The following EIPR1 variants were observed in gnomAD, a reference collection of about 807,000 sequenced individuals.
EIPR1 encodes EARP and GARP complex-interacting protein 1.
EIPR1 carries 25 observed loss-of-function variants against 48.1 expected under a neutral mutation model. The observed-to-expected ratio is 0.52, with a 90% CI of 0.38 to 0.73. EIPR1 has a LOEUF of 0.73. Among genes scored for constraint, EIPR1 ranks in the 30% least tolerant of loss-of-function variants. EIPR1 has a pLI of 0.00. For synonymous variants in EIPR1, 204 were observed against 201.9 expected (o/e 1.01, Z -0.09); for missense variants, 415 against 506.2 (o/e 0.82, Z 1.73).
intron 5 of EIPR1, 85 bp downstream of exon 5, chr2:3,214,064 T>G: frequency 7.8e-7 from 1 of 1,287,024 alleles, no homozygotes; most frequent in South Asian, 1.3e-5. Context: ...GTGATCTCAT[T>G]GTTCAATTCC....
At chr2:3,211,313 G>T (rs1665447868) in intron 5 of EIPR1, among the ~76,000 whole-genome samples, 1 of 151,960 alleles carries the variant, frequency 6.6e-6, no homozygotes, top group Non-Finnish European at 1.5e-5. Context: ...GTCTCTTCCA[G>T]TTTGGAGAAC....
At chr2:3,325,628 C>T (rs774382154) in intron 3 of EIPR1, among the ~76,000 whole-genome samples, 7 of 152,162 alleles carry the variant, frequency 4.6e-5, no homozygotes, top group Non-Finnish European at 8.8e-5. Context: ...AAAGCATATC[C>T]TACTGTGACA....
chr2:3,339,665 T>C lies in EIPR1; in HGVS notation c.127-1516A>G, dbSNP rs1670170791. On this transcript the variant is annotated intron_variant, in intron 2 of 8. Transcript: ENST00000382125. ...CCTGGTCATTTAAAAGTGAGTGGCATGGGCTGGGCGCGGTGGCTCACGCCT... is the reference window on the plus strand; with the variant it reads ...CCTGGTCATTTAAAAGTGAGTGGCACGGGCTGGGCGCGGTGGCTCACGCCT... Among the ~76,000 whole-genome samples, 2 of 152,188 alleles carry C rather than the reference T, an allele frequency of 1.3e-5. 1 individual carries two copies. The highest frequency in any genetic ancestry group is 4.1e-4 in the South Asian group (2 of 4,834).
chr2:3,249,090 G>C (rs942863264), intron 4 of EIPR1, among the ~76,000 whole-genome samples: 1 of 152,238 alleles, frequency 6.6e-6, no homozygotes, highest in Non-Finnish European at 1.5e-5. Context: ...ATGTGGAGCA[G>C]CTTTGAGACT....
At chr2:3,317,678 C>T (rs1403229724) in intron 3 of EIPR1, among the ~76,000 whole-genome samples, 1 of 152,224 alleles carries the variant, frequency 6.6e-6, no homozygotes, top group Non-Finnish European at 1.5e-5. Flanking sequence ...GCCCTAGACC[C>T]AGTGTGACTG....
At chr2:3,232,459 G>C (rs1255142513) in intron 4 of EIPR1, among the ~76,000 whole-genome samples, 1 of 151,846 alleles carries the variant, frequency 6.6e-6, no homozygotes, top group African/African-American at 2.4e-5. Context: ...TTCCTTCTTA[G>C]ACCTGCTTTT....
intron 5 of EIPR1, among the ~76,000 whole-genome samples, chr2:3,200,990 C>A (rs1665014688): frequency 6.6e-6 from 1 of 152,172 alleles, no homozygotes; most frequent in Non-Finnish European, 1.5e-5. Flanking sequence ...GGACGCTGGA[C>A]TCAAACTAGC....
At position 3,353,877 on chromosome 2, in the gene EIPR1, T is replaced by TAGACCATGTCC. The variant is rs1346552199; in HGVS notation, c.126+672_126+673insGGACATGGTCT. ...GATCAGATAAGCCGGACAGAAGCCC[T>TAGACCATGTCC]AGACCATGTCTGACATGGCCTCCCG... On this transcript the variant is annotated intron_variant, in intron 2 of 8. Transcript: ENST00000382125. Among the ~76,000 whole-genome samples the TAGACCATGTCC allele has an allele frequency of 5.3e-5, 8 of 152,300 alleles. No homozygotes were observed. The East Asian group carries it at 1.4e-3, about 26-fold the overall frequency.
intron 1 of EIPR1, among the ~76,000 whole-genome samples, chr2:3,370,697 A>C (rs931217572): frequency 1.3e-5 from 2 of 152,180 alleles, no homozygotes; most frequent in Non-Finnish European, 2.9e-5. Flanking sequence ...AAAAAAGAAT[A>C]AAAAGAAATG....
In EIPR1 at chr2:3,221,001, CA is replaced by C. The variant is rs1558232928; in HGVS notation, c.417-6754del. 1.2e-3 allele frequency among the ~76,000 whole-genome samples: 96 copies of C among 77,710 alleles called. 2 individuals carry two copies. Among genetic ancestry groups the C allele is most frequent in the African/African-American group, 3.4e-3 (61 of 18,072 alleles). The allele number at this position is 77,710 out of a possible 152,430, so 51.0% of individuals were successfully genotyped here. Reference sequence around the variant, plus strand: ...ACACTCTAGAACACTCACAGTGAGTCAGGAACACATGCACACAATGGCCGAC... The same window carrying C: ...ACACTCTAGAACACTCACAGTGAGTCGGAACACATGCACACAATGGCCGAC... On this transcript the variant is annotated intron_variant, in intron 4 of 8. Transcript: ENST00000382125.
intron 4 of EIPR1, among the ~76,000 whole-genome samples, chr2:3,226,920 C>T (rs1666083010): frequency 6.6e-6 from 1 of 152,242 alleles, no homozygotes; most frequent in Non-Finnish European, 1.5e-5. Flanking sequence ...CTTTGTTCCT[C>T]CTTCACCTTC....
At chr2:3,334,160 G>T (rs369903918) in intron 3 of EIPR1, among the ~76,000 whole-genome samples, 2 of 152,176 alleles carry the variant, frequency 1.3e-5, no homozygotes, top group Admixed American at 6.5e-5. Context: ...AGGAAACGCC[G>T]CAAGATGCCT....
chr2:3,302,621 C>T (rs1031021166), intron 3 of EIPR1, among the ~76,000 whole-genome samples: 3 of 152,252 alleles, frequency 2.0e-5, no homozygotes, highest in East Asian at 1.9e-4. Flanking sequence ...GACGTGACGT[C>T]GCGGAACCAG....
chr2:3,278,209 G>T lies in EIPR1; in HGVS notation c.260-20754C>A, dbSNP rs183205346. 2.9e-3 allele frequency among the ~76,000 whole-genome samples: 435 copies of T among 152,280 alleles called. 1 individual carries two copies. Among genetic ancestry groups the T allele is most frequent in the African/African-American group, 0.01 (418 of 41,556 alleles). On this transcript the variant is annotated intron_variant, in intron 3 of 8. Coordinates refer to ENST00000382125, the MANE Select transcript of EIPR1 (RefSeq NM_003310.5). ...GTCTGAGATGGAAACGAGAGGAGGG[G>T]GAGACGCAGGTGGATGGCAAAGGCC...
chr2:3,299,729 C>T (rs1234241902), intron 3 of EIPR1, among the ~76,000 whole-genome samples: 2 of 151,904 alleles, frequency 1.3e-5, no homozygotes, highest in Non-Finnish European at 1.5e-5. Flanking sequence ...GGAAGACAGA[C>T]AACCTGGCAG....
chr2:3,247,084 GGAGA>G (rs1666857020), intron 4 of EIPR1, among the ~76,000 whole-genome samples: 1 of 107,620 alleles, frequency 9.3e-6, no homozygotes, highest in Admixed American at 9.0e-5. Context: ...AGAGAGGGAG[GGAGA>G]GAGGGAGGGA....
chr2:3,354,438 T>G, intron 2 of EIPR1, 112 bp downstream of exon 2: 1 of 886,276 alleles, frequency 1.1e-6, no homozygotes. Flanking sequence ...AGTTTTATTT[T>G]GTTTATGTGG....
intron 3 of EIPR1, among the ~76,000 whole-genome samples, chr2:3,281,906 C>T (rs1398947365): frequency 2.6e-5 from 4 of 152,128 alleles, no homozygotes; most frequent in East Asian, 1.9e-4. Flanking sequence ...AAAGTTTCTG[C>T]GGGATGATAG....
At chr2:3,308,486 C>T (rs1263246491) in intron 3 of EIPR1, among the ~76,000 whole-genome samples, 3 of 151,902 alleles carry the variant, frequency 2.0e-5, no homozygotes, top group Non-Finnish European at 4.4e-5. Flanking sequence ...ATTTGAACAC[C>T]AGACCAGAGA....
Sources: allele counts gnomAD v4.1 joint callset (sites outside exome capture counted in the v4.1 genomes callset), GRCh38; gene constraint gnomAD v4.1.1; transcripts MANE v1.5; gene names NCBI Gene and HGNC (gene_info 2026-07-23, HGNC 2026-07-21).